The following WNK4 variants were observed in gnomAD, a reference collection of about 807,000 sequenced individuals.
The protein encoded by WNK4 is serine/threonine-protein kinase WNK4.
WNK4 carries 94 observed loss-of-function variants against 116.2 expected under a neutral mutation model. That is an observed-to-expected ratio of 0.81 (90% CI 0.68 to 0.96). WNK4 has a LOEUF of 0.96. Among genes scored for constraint, WNK4 ranks in the 40% least tolerant of loss-of-function variants. The probability of loss-of-function intolerance (pLI) is 0.00; values close to 1 mark genes in which losing one functional copy is unlikely to be tolerated. For synonymous variants in WNK4, 655 were observed against 672.7 expected (o/e 0.97, Z 0.41); for missense variants, 1,542 against 1,650.6 (o/e 0.93, Z 1.14).
At chr17:42,788,934 C>T (rs957056130) in intron 11 of WNK4, 137 bp downstream of exon 11, 2 of 753,090 alleles carry the variant, frequency 2.7e-6, no homozygotes, top group Non-Finnish European at 2.4e-6. Flanking sequence ...CACAGTAACG[C>T]TGAAGATGTC....
rs1012246606 is a variant in WNK4, at chr17:42,780,814, C to T, written c.116C>T (p.Pro39Leu). The part of the protein sequence containing the change: ...GTAGQPRLGP[P>L]PRRARRFSGK... ...GCGGGGCAGCCCCGCCTCGGGCCCCCTCCTCGCCGAGCGCGCCGCTTCTCC... is the reference window on the plus strand; with the variant it reads ...GCGGGGCAGCCCCGCCTCGGGCCCCTTCCTCGCCGAGCGCGCCGCTTCTCC... The change falls in exon 1 of 19, where the codon CCT (proline) becomes CTT (leucine). Residue 39 changes from proline to leucine, a missense_variant. Pro to Leu is a moderately conservative substitution (Grantham distance 98). Around this residue, in one of 7 missense-constraint regions of WNK4, gnomAD observed 243 missense variants for 217.8 expected, o/e 1.12. Transcript: ENST00000246914. 3 of 1,602,052 alleles carry T rather than the reference C, an allele frequency of 1.9e-6. No homozygotes were observed. Among genetic ancestry groups the T allele is most frequent in the African/African-American group, 2.7e-5 (2 of 74,914 alleles).
chr17:42,793,772 T>C, intron 12 of WNK4, 43 bp downstream of exon 12: 3 of 1,612,364 alleles, frequency 1.9e-6, no homozygotes, highest in Non-Finnish European at 2.5e-6. Flanking sequence ...ATGGACTCTC[T>C]GCTCCAGGGT....
At chr17:42,795,431 C>G in intron 14 of WNK4, 30 bp from the exon 15 acceptor site, 1 of 1,614,216 alleles carries the variant, frequency 6.2e-7, no homozygotes. Flanking sequence ...ACTCTGCACT[C>G]TTCCCTTCTC....
At position 42,782,658 on chromosome 17, in the gene WNK4, G is replaced by A; in HGVS notation, c.619-100G>A. ...CCCATTAACCCCACCCCATCTGTGG[G>A]CTCCAACCCTCACCTCTTCCCCCAA... On this transcript the variant is annotated intron_variant, in intron 1 of 18. Coordinates refer to ENST00000246914, the MANE Select transcript of WNK4 (RefSeq NM_032387.5). This position sits in a 1 kb window ranked among gnomAD's most constrained non-coding sequence, Gnocchi z 4.2. The A allele has an allele frequency of 7.1e-7, 1 of 1,398,828 alleles. No individual in the cohort carries two copies. Among genetic ancestry groups the A allele is most frequent in the Non-Finnish European group, 9.9e-7 (1 of 1,011,304 alleles). 86.7% of individuals were successfully genotyped at this position (1,398,828 alleles called of 1,614,324 possible).
rs528059299 is a variant in WNK4 at position 42,782,692 on chromosome 17, C to T, written c.619-66C>T. On this transcript the variant is annotated intron_variant, in intron 1 of 18. Coordinates refer to ENST00000246914, the MANE Select transcript of WNK4 (RefSeq NM_032387.5). The surrounding 1 kb of genome is among the most constrained non-coding windows in gnomAD (Gnocchi z 4.2). ...CTCACCTCTTCCCCCAACCCCACTC[C>T]AGGTGTCCCTCTTCCTTTCTGTGGG... is the stretch of plus-strand genomic sequence containing the variant. 1.4e-5 allele frequency: 23 copies of T among 1,593,260 alleles called. No homozygotes were observed. The South Asian group carries it at 2.2e-4, about 16-fold the overall frequency.
chr17:42,788,544 T>G, intron 10 of WNK4, 137 bp downstream of exon 10: 13 of 1,168,208 alleles, frequency 1.1e-5, no homozygotes, highest in Non-Finnish European at 1.5e-5. Context: ...GTCTGGTTTC[T>G]AATACCAGAC....
At position 42,788,156 on chromosome 17, in the gene WNK4, T is replaced by C. The variant is rs761165809; in HGVS notation, c.1890T>C (p.Ser630=). Residue 630 remains serine (S), a synonymous_variant, in exon 9 of 19, where the codon TCT becomes TCC. Coordinates refer to ENST00000246914, the MANE Select transcript of WNK4 (RefSeq NM_032387.5). ...CTTTTGCCCTATCCATTCCACGTTC[T>C]GGCCCTGGAAGTGACTTTTCCCCCG... The part of the protein sequence containing the change: ...PSAFALSIPR[S]GPGSDFSPGD... The C allele has an allele frequency of 1.9e-6, 3 of 1,614,224 alleles. No individual in the cohort carries two copies. The South Asian group carries it at 3.3e-5, about 18-fold the overall frequency.
At position 42,796,315 on chromosome 17, in the gene WNK4, A is replaced by C; in HGVS notation, c.3624A>C (p.Pro1208=). ...ACAGCCTACAGCGCTCTGAGCCCCC[A>C]GGCCCTGGTGAGACTGCAGTCACCC... The part of the protein sequence containing the change: ...RRNSLQRSEP[P]GPGIMRRNSL... The change falls in exon 17 of 19, where the codon CCA becomes CCC. Residue 1208 remains proline, a synonymous_variant. Coordinates refer to ENST00000246914, the MANE Select transcript of WNK4 (RefSeq NM_032387.5). 6.2e-7 allele frequency: 1 copy of C among 1,611,984 alleles called. No homozygotes were observed.
chr17:42,795,445 G>GC lies in WNK4; in HGVS notation c.2962-10dup, dbSNP rs2054656740. On this transcript the variant is annotated splice_polypyrimidine_tract_variant and intron_variant, in intron 14 of 18. Transcript: ENST00000246914. ...CACTCTGCACTCTTCCCTTCTCATG[G>GC]CCCCCCACTTTCTAGGCCTCACCAC... 2 of 1,613,942 alleles carry GC rather than the reference G, an allele frequency of 1.2e-6. No individual in the cohort carries two copies. The highest frequency in any genetic ancestry group is 1.1e-5 in the South Asian group (1 of 91,082).
chr17:42,785,622 G>C (rs556408635), intron 6 of WNK4, 140 bp downstream of exon 6: 11 of 1,094,516 alleles, frequency 1.0e-5, no homozygotes, highest in African/African-American at 4.6e-5. Context: ...CTCCTGCAGC[G>C]TCTCCCTACC....
At position 42,780,820 on chromosome 17, in the gene WNK4, G is replaced by A. The variant is rs764712635; in HGVS notation, c.122G>A (p.Arg41His). The stretch of plus-strand genomic sequence containing the variant: ...CAGCCCCGCCTCGGGCCCCCTCCTC[G>A]CCGAGCGCGCCGCTTCTCCGGGAAG... The part of the protein sequence containing the change: ...AGQPRLGPPP[R>H]RARRFSGKAE... Residue 41 changes from arginine (R) to histidine (H), a missense_variant, in exon 1 of 19, where the codon CGC becomes CAC. Around this residue, in one of 7 missense-constraint regions of WNK4, gnomAD observed 243 missense variants for 217.8 expected, o/e 1.12. Transcript: ENST00000246914. 6.2e-7 allele frequency: 1 copy of A among 1,600,914 alleles called. No homozygotes were observed. The highest frequency in any genetic ancestry group is 1.1e-5 in the South Asian group (1 of 90,836).
Position 42,784,562 on chromosome 17 carries a change from T to C in WNK4, c.1153T>C (p.Tyr385His). ...YSECQNAAQIYRKVTSGRKPN... is the reference protein window; with the variant it reads ...YSECQNAAQIHRKVTSGRKPN... ...CGAGTGCCAGAATGCCGCGCAAATC[T>C]ACCGCAAGGTCACTTCGGTGAGAGG... is the stretch of plus-strand genomic sequence containing the variant. The change falls in exon 4 of 19, where the codon TAC becomes CAC. Residue 385 changes from tyrosine (Y) to histidine (H), a missense_variant. By Grantham distance (83) the Tyr-to-His change is moderately conservative. Coordinates refer to ENST00000246914, the MANE Select transcript of WNK4 (RefSeq NM_032387.5). This position sits in a 1 kb window ranked among gnomAD's most constrained non-coding sequence, Gnocchi z 4.4. 6.2e-7 allele frequency: 1 copy of C among 1,614,150 alleles called. No individual in the cohort carries two copies. The highest frequency in any genetic ancestry group is 1.3e-5 in the African/African-American group (1 of 75,036).
Position 42,785,393 on chromosome 17 carries a change from C to T in WNK4, c.1387C>T (p.Arg463Trp), listed in dbSNP as rs372972035. 2 of 1,588,356 alleles carry T rather than the reference C, an allele frequency of 1.3e-6. No individual in the cohort carries two copies. The highest frequency in any genetic ancestry group is 1.3e-5 in the African/African-American group (1 of 74,472). ...LKLWLRMEDA[R>W]RGGRPRDNQA... The stretch of plus-strand genomic sequence containing the variant: ...GCTCTGGCTGCGCATGGAGGACGCG[C>T]GGCGCGGGGGGCGCCCACGGGACAA... Residue 463 changes from arginine to tryptophan, a missense_variant, in exon 6 of 19, where the codon CGG becomes TGG. By Grantham distance (101) the Arg-to-Trp change is moderately radical. This residue lies in a region of WNK4 where 808 missense variants were observed against 873.6 expected (regional missense o/e 0.92). Coordinates refer to ENST00000246914, the MANE Select transcript of WNK4 (RefSeq NM_032387.5).
Position 42,784,238 on chromosome 17 carries a change from A to G in WNK4, c.1012+81A>G, listed in dbSNP as rs940837723. The stretch of plus-strand genomic sequence containing the variant: ...ACCTGGGGACTCCCTCCCCTCAGCA[A>G]GGGCCTTCAAGGTCCACAAAACTAC... On this transcript the variant is annotated intron_variant, in intron 3 of 18. Coordinates refer to ENST00000246914, the MANE Select transcript of WNK4 (RefSeq NM_032387.5). This position sits in a 1 kb window ranked among gnomAD's most constrained non-coding sequence, Gnocchi z 4.4. 2 of 1,576,016 alleles carry G rather than the reference A, an allele frequency of 1.3e-6. No homozygotes were observed. The highest frequency in any genetic ancestry group is 1.7e-5 in the Admixed American group (1 of 59,298).
Position 42,784,546 on chromosome 17 carries a change from G to C in WNK4, c.1137G>C (p.Gln379His). 6.2e-7 allele frequency: 1 copy of C among 1,614,206 alleles called. No individual in the cohort carries two copies. Among genetic ancestry groups the C allele is most frequent in the Non-Finnish European group, 8.5e-7 (1 of 1,180,032 alleles). ...ATSEYPYSECQNAAQIYRKVT... is the reference protein window; with the variant it reads ...ATSEYPYSECHNAAQIYRKVT... ...CTGAGTACCCGTACTCCGAGTGCCA[G>C]AATGCCGCGCAAATCTACCGCAAGG... Residue 379 changes from glutamine to histidine, a missense_variant, in exon 4 of 19, where the codon CAG becomes CAC. Transcript: ENST00000246914. The surrounding 1 kb of genome is among the most constrained non-coding windows in gnomAD (Gnocchi z 4.4).
chr17:42,788,376 G>A lies in WNK4; in HGVS notation c.2009G>A (p.Arg670His), dbSNP rs367768336. The change falls in exon 10 of 19, where the codon CGC (arginine) becomes CAC (histidine). Residue 670 changes from arginine to histidine, a missense_variant. Around this residue, in one of 7 missense-constraint regions of WNK4, gnomAD observed 808 missense variants for 873.6 expected, o/e 0.92. Coordinates refer to ENST00000246914, the MANE Select transcript of WNK4 (RefSeq NM_032387.5). ...MRRPPGRNLR[R>H]RPRSRLRVTS... ...AGACCCCCAGGGAGGAATCTCCGGCGCAGACCCCGATCCCGGCTGCGGGTC... is the reference window on the plus strand; with the variant it reads ...AGACCCCCAGGGAGGAATCTCCGGCACAGACCCCGATCCCGGCTGCGGGTC... 38 of 1,613,098 alleles carry A rather than the reference G, an allele frequency of 2.4e-5. No individual in the cohort carries two copies. The highest frequency in any genetic ancestry group is 1.5e-4 in the African/African-American group (11 of 74,894).
rs1458347516 is a variant in WNK4, at chr17:42,795,940, ACTC to A, written c.3341_3343del (p.Ser1114del). ...CATCCCAGCCCAGTGTGGATGAACT[ACTC>A]CTACAGCAGCCTGTGTTTGAGCAGC... On this transcript the variant is annotated inframe_deletion, in exon 16 of 19. Transcript: ENST00000246914. 4.3e-6 allele frequency: 7 copies of A among 1,612,582 alleles called. No homozygotes were observed. The highest frequency in any genetic ancestry group is 1.3e-5 in the African/African-American group (1 of 74,798).
At position 42,781,050 on chromosome 17, in the gene WNK4, G is replaced by T; in HGVS notation, c.352G>T (p.Ala118Ser). 6.2e-7 allele frequency: 1 copy of T among 1,611,450 alleles called. No individual in the cohort carries two copies. The highest frequency in any genetic ancestry group is 8.5e-7 in the Non-Finnish European group (1 of 1,179,556). Residue 118 changes from alanine to serine, a missense_variant, in exon 1 of 19, where the codon GCT (alanine) becomes TCT (serine). Transcript: ENST00000246914. ...GTWTEGAPVKAAEDSARPELP... is the reference protein window; with the variant it reads ...GTWTEGAPVKSAEDSARPELP... ...GTGGACCGAGGGAGCCCCTGTGAAG[G>T]CTGCGGAAGACTCCGCGCGTCCCGA...
At chr17:42,785,580 A>T (rs2054539686) in intron 6 of WNK4, 98 bp downstream of exon 6, 173 of 1,147,002 alleles carry the variant, frequency 1.5e-4, no homozygotes, top group Non-Finnish European at 1.9e-4. Flanking sequence ...GGTGGCAGCG[A>T]TGGGGGCGGG....
Sources: allele counts gnomAD v4.1 joint callset, GRCh38; gene constraint gnomAD v4.1.1; regional missense constraint gnomAD v4.1.1; non-coding constraint Gnocchi (gnomAD v3.1); transcripts MANE v1.5; gene names NCBI Gene and HGNC (gene_info 2026-07-23, HGNC 2026-07-21).